The following UBE2E2 variants were observed in gnomAD, a reference collection of about 807,000 sequenced individuals.
The protein encoded by UBE2E2 is ubiquitin-conjugating enzyme E2 E2.
UBE2E2 carries 6 observed loss-of-function variants against 24.7 expected under a neutral mutation model. The ratio of observed to expected loss-of-function variants is 0.24; its 90% CI spans 0.13 to 0.48. UBE2E2 has a LOEUF of 0.48. Ranked by LOEUF, UBE2E2 falls within the 20% of genes least tolerant of loss-of-function variation. UBE2E2 has a pLI of 0.99. For missense variants in UBE2E2, 169 were observed against 245.0 expected (o/e 0.69, Z 2.07); for synonymous variants, 104 against 83.6 (o/e 1.24, Z -1.33).
At chr3:23,555,517 A>G (rs1024784107) in intron 5 of UBE2E2, among the ~76,000 whole-genome samples, 2 of 152,178 alleles carry the variant, frequency 1.3e-5, no homozygotes, top group African/African-American at 4.8e-5. Flanking sequence ...CTGGATATAT[A>G]CCCAAAGGAA....
chr3:23,442,290 T>A (rs879615930), intron 3 of UBE2E2, among the ~76,000 whole-genome samples: 2 of 151,210 alleles, frequency 1.3e-5, no homozygotes, highest in Admixed American at 6.6e-5. Flanking sequence ...ACCAAAACAT[T>A]TCTAAATTTA....
chr3:23,536,222 A>G (rs893358859), intron 5 of UBE2E2, among the ~76,000 whole-genome samples: 1 of 152,180 alleles, frequency 6.6e-6, no homozygotes, highest in East Asian at 1.9e-4. Context: ...AAATGTGCTT[A>G]TATTATGGCC....
At chr3:23,578,855 C>T (rs1237219599) in intron 5 of UBE2E2, among the ~76,000 whole-genome samples, 1 of 152,072 alleles carries the variant, frequency 6.6e-6, no homozygotes, top group African/African-American at 2.4e-5. Context: ...ATGATCTGTG[C>T]AGCAAACCAC....
At chr3:23,303,559 A>G (rs1002208742) in intron 3 of UBE2E2, among the ~76,000 whole-genome samples, 2 of 152,188 alleles carry the variant, frequency 1.3e-5, no homozygotes, top group East Asian at 1.9e-4. Flanking sequence ...TTTAGAAGTC[A>G]TATGATAATG....
intron 3 of UBE2E2, among the ~76,000 whole-genome samples, chr3:23,376,992 G>GT (rs1160665673): frequency 6.6e-6 from 1 of 152,130 alleles, no homozygotes; most frequent in Non-Finnish European, 1.5e-5. Flanking sequence ...AGCAAACTAT[G>GT]TAAGTGTTTG....
At chr3:23,458,781 A>G (rs966479649) in intron 3 of UBE2E2, among the ~76,000 whole-genome samples, 10 of 152,184 alleles carry the variant, frequency 6.6e-5, no homozygotes, top group Non-Finnish European at 1.2e-4. Context: ...AATTACCAAA[A>G]TGAGACACAG....
intron 3 of UBE2E2, among the ~76,000 whole-genome samples, chr3:23,482,435 G>A (rs965143315): frequency 4.0e-5 from 6 of 151,832 alleles, no homozygotes; most frequent in African/African-American, 1.5e-4. Flanking sequence ...TCCAGCTGGG[G>A]CTACACCTCC....
At chr3:23,401,227 G>A (rs1477275345) in intron 3 of UBE2E2, among the ~76,000 whole-genome samples, 2 of 152,214 alleles carry the variant, frequency 1.3e-5, no homozygotes, top group Non-Finnish European at 1.5e-5. Context: ...AGCTAGTAGA[G>A]TATGGTGAAA....
chr3:23,311,207 G>A (rs1057474556), intron 3 of UBE2E2, among the ~76,000 whole-genome samples: 1 of 152,218 alleles, frequency 6.6e-6, no homozygotes, highest in Middle Eastern at 3.4e-3. Flanking sequence ...TTGTGGCTGC[G>A]TAGTATTCGA....
At chr3:23,439,195 G>A (rs145109088) in intron 3 of UBE2E2, among the ~76,000 whole-genome samples, 228 of 152,278 alleles carry the variant, frequency 1.5e-3, no homozygotes, top group African/African-American at 5.2e-3. Context: ...AAAAAATACT[G>A]TTATGTGTAC....
At chr3:23,213,272 T>G (rs1246959862) in intron 2 of UBE2E2, among the ~76,000 whole-genome samples, 3 of 152,162 alleles carry the variant, frequency 2.0e-5, no homozygotes, top group Non-Finnish European at 4.4e-5. Context: ...TATACACTGC[T>G]TCATTTTTCT....
At chr3:23,309,477 C>G (rs778929435) in intron 3 of UBE2E2, among the ~76,000 whole-genome samples, 1 of 152,122 alleles carries the variant, frequency 6.6e-6, no homozygotes, top group Non-Finnish European at 1.5e-5. Flanking sequence ...TTATTTATTG[C>G]AGCATAACAA....
At chr3:23,262,303 CAG>C (rs1005991418) in intron 3 of UBE2E2, among the ~76,000 whole-genome samples, 1 of 151,994 alleles carries the variant, frequency 6.6e-6, no homozygotes, top group African/African-American at 2.4e-5. Context: ...ATTTTAGAAA[CAG>C]AGTCGTGGTC....
chr3:23,265,574 A>G (rs138763920), intron 3 of UBE2E2, among the ~76,000 whole-genome samples: 1 of 152,288 alleles, frequency 6.6e-6, no homozygotes, highest in East Asian at 1.9e-4. Context: ...CTTTTGCCAT[A>G]TCTCCTCCAG....
intron 3 of UBE2E2, among the ~76,000 whole-genome samples, chr3:23,394,510 C>T (rs1376174393): frequency 3.9e-5 from 6 of 152,072 alleles, no homozygotes; most frequent in Admixed American, 2.6e-4. Context: ...GACCGTGCTT[C>T]CTGCCAAGAA....
chr3:23,405,936 C>G (rs1350797844), intron 3 of UBE2E2, among the ~76,000 whole-genome samples: 1 of 152,130 alleles, frequency 6.6e-6, no homozygotes, highest in East Asian at 1.9e-4. Context: ...GAAGAATTGA[C>G]TTTTCCATTG....
intron 4 of UBE2E2, among the ~76,000 whole-genome samples, chr3:23,516,203 G>T (rs1196386993): frequency 6.6e-6 from 1 of 152,118 alleles, no homozygotes. Context: ...AAGATTGTGT[G>T]AACAACAAAT....
At chr3:23,489,394 A>G (rs1358016195) in intron 3 of UBE2E2, among the ~76,000 whole-genome samples, 1 of 152,138 alleles carries the variant, frequency 6.6e-6, no homozygotes, top group African/African-American at 2.4e-5. Flanking sequence ...AGGAATACAC[A>G]GCCTAGATCC....
At chr3:23,289,069 T>C (rs1282463042) in intron 3 of UBE2E2, among the ~76,000 whole-genome samples, 1 of 152,222 alleles carries the variant, frequency 6.6e-6, no homozygotes, top group Non-Finnish European at 1.5e-5. Flanking sequence ...CTTTTTTGTG[T>C]AGATAGTTGT....
Sources: gnomAD v4.1 joint callset for allele counts (sites outside exome capture counted in the v4.1 genomes callset) on GRCh38, gnomAD v4.1.1 for gene constraint, MANE v1.5 for transcripts, NCBI Gene and HGNC (gene_info 2026-07-23, HGNC 2026-07-21) for gene names.